DEXI: variants seen among roughly 807,000 people sequenced by gnomAD.
DEXI encodes dexamethasone-induced protein.
In DEXI, 2 loss-of-function variants were observed where a neutral mutation model predicts 2.5. That is an observed-to-expected ratio of 0.81 (90% confidence interval 0.33 to 2.55). DEXI has a LOEUF of 2.55. Ranked by LOEUF, DEXI falls within the 30% of genes most tolerant of loss-of-function variation. DEXI has a pLI of 0.11. For synonymous variants in DEXI, 71 were observed against 68.7 expected, an observed-to-expected ratio of 1.03 and a Z score of -0.17; for missense variants, 108 against 130.3, an observed-to-expected ratio of 0.83 and a Z score of 0.83.
Position 10,941,705 on chromosome 16 carries a change from A to G in DEXI, c.*13T>C. 1 of 1,596,198 alleles carries G rather than the reference A, an allele frequency of 6.3e-7. No homozygotes were observed. Among genetic ancestry groups the G allele is most frequent in the Non-Finnish European group, 8.5e-7 (1 of 1,170,300 alleles). ...CGGATCGTGTAGGGAAGAGGGGAAC[A>G]GCAGTCGAGACCCTACTCCAAGTAC... is the stretch of plus-strand genomic sequence containing the variant. On this transcript the variant is annotated 3_prime_UTR_variant, in exon 1 of 2. Transcript: ENST00000331808. This position sits in a 1 kb window ranked among gnomAD's most constrained non-coding sequence, Gnocchi z 6.4.
rs1596654158 is a variant in DEXI at position 10,934,592 on chromosome 16, G to C, written c.*150-5033C>G. On this transcript the variant is annotated intron_variant, in intron 1 of 1. Coordinates refer to ENST00000331808, the MANE Select transcript of DEXI (RefSeq NM_014015.4). The surrounding 1 kb of genome is among the most constrained non-coding windows in gnomAD (Gnocchi z 4.2). The stretch of plus-strand genomic sequence containing the variant: ...CCCAATGCTGCCACCTCATAGATGG[G>C]TATCTGAGATGAGTCATCGAACTTC... The C allele has an allele frequency of 1.3e-5, 2 of 152,236 alleles. No homozygotes were observed. The highest frequency in any genetic ancestry group is 1.3e-4 in the Admixed American group (2 of 15,286). 9.4% of individuals were successfully genotyped at this position (152,236 alleles called of 1,614,324 possible). A position where few individuals can be genotyped will look rare whatever the true frequency, so the allele number is the denominator to read the frequency against.
intron 1 of DEXI, chr16:10,936,416 C>T (rs2041023183): frequency 6.6e-6 from 1 of 152,124 alleles, no homozygotes; most frequent in South Asian, 2.1e-4. Context: ...AACCCATTTT[C>T]AAATGCTTAT....
At chr16:10,931,317 G>C (rs539176026) in intron 1 of DEXI, 2 of 152,868 alleles carry the variant, frequency 1.3e-5, no homozygotes, top group African/African-American at 2.4e-5. Context: ...AAAAAAAAGA[G>C]AAGATGGAAT....
intron 1 of DEXI, chr16:10,935,706 G>C (rs2040997270): frequency 6.6e-6 from 1 of 152,232 alleles, no homozygotes; most frequent in African/African-American, 2.4e-5. Context: ...CTCTCGATAA[G>C]ATGCACTGAA....
Position 10,941,890 on chromosome 16 carries a change from A to G in DEXI, c.116T>C (p.Leu39Pro). 6.2e-7 allele frequency: 1 copy of G among 1,610,818 alleles called. No individual in the cohort carries two copies. Among genetic ancestry groups the G allele is most frequent in the Non-Finnish European group, 8.5e-7 (1 of 1,179,298 alleles). The change falls in exon 1 of 2, where the codon CTG becomes CCG. Residue 39 changes from leucine to proline, a missense_variant. Transcript: ENST00000331808. The surrounding 1 kb of genome is among the most constrained non-coding windows in gnomAD (Gnocchi z 6.4). ...FYVGLFFVNV[L>P]ILYYAFLMEY... ...CATGAGGAAGGCGTAGTACAGGATCAGCACATTGACGAAGAACAGGCCCAC... is the reference window on the plus strand; with the variant it reads ...CATGAGGAAGGCGTAGTACAGGATCGGCACATTGACGAAGAACAGGCCCAC...
In DEXI at chr16:10,929,564, CA is replaced by C. The variant is rs922176773; in HGVS notation, c.*150-6del. On this transcript the variant is annotated splice_region_variant and splice_polypyrimidine_tract_variant and intron_variant, in intron 1 of 1. Coordinates refer to ENST00000331808, the MANE Select transcript of DEXI (RefSeq NM_014015.4). The surrounding 1 kb of genome is among the most constrained non-coding windows in gnomAD (Gnocchi z 4.3). The stretch of plus-strand genomic sequence containing the variant: ...AAGCTTTTGAGGGGAGCAGGTCTAA[CA>C]AGAAGGAAAAAGGGGGGTTATTAGC... 2 of 985,162 alleles carry C rather than the reference CA, an allele frequency of 2.0e-6. No homozygotes were observed. The highest frequency in any genetic ancestry group is 6.2e-5 in the Admixed American group (1 of 16,232). The allele number at this position is 985,162 out of a possible 1,614,324, so 61.0% of individuals were successfully genotyped here.
At position 10,941,700 on chromosome 16, in the gene DEXI, G is replaced by C. The variant is rs534448508; in HGVS notation, c.*18C>G. ...GGTTGCGGATCGTGTAGGGAAGAGGGGAACAGCAGTCGAGACCCTACTCCA... is the reference window on the plus strand; with the variant it reads ...GGTTGCGGATCGTGTAGGGAAGAGGCGAACAGCAGTCGAGACCCTACTCCA... On this transcript the variant is annotated 3_prime_UTR_variant, in exon 1 of 2. Transcript: ENST00000331808. The surrounding 1 kb of genome is among the most constrained non-coding windows in gnomAD (Gnocchi z 6.4). 9.4e-6 allele frequency: 15 copies of C among 1,592,884 alleles called. No individual in the cohort carries two copies. In the East Asian group the frequency reaches 3.2e-4, roughly 34 times the overall value.
In DEXI at chr16:10,934,188, G is replaced by A. The variant is rs2040922299; in HGVS notation, c.*150-4629C>T. 1 of 152,202 alleles carries A rather than the reference G, an allele frequency of 6.6e-6. No individual in the cohort carries two copies. The highest frequency in any genetic ancestry group is 1.5e-5 in the Non-Finnish European group (1 of 68,038). The allele number at this position is 152,202 out of a possible 1,614,324, so 9.4% of individuals were successfully genotyped here. On this transcript the variant is annotated intron_variant, in intron 1 of 1. Transcript: ENST00000331808. This position sits in a 1 kb window ranked among gnomAD's most constrained non-coding sequence, Gnocchi z 4.2. ...TCTGGAAGGGCAGCACTTGCCCAGT[G>A]CCTCCCTCCAGGTCCTGCCACATCC... is the stretch of plus-strand genomic sequence containing the variant.
Position 10,942,013 on chromosome 16 carries a change from G to C in DEXI, c.-8C>G. ...GACCCGGGCGCCGAGCATGCAGCGG[G>C]TGGCAAGGGCGGCGGCCCGGCGATC... On this transcript the variant is annotated 5_prime_UTR_variant, in exon 1 of 2. Transcript: ENST00000331808. The surrounding 1 kb of genome is among the most constrained non-coding windows in gnomAD (Gnocchi z 5.0). 1 of 1,438,838 alleles carries C rather than the reference G, an allele frequency of 7.0e-7. No homozygotes were observed. The highest frequency in any genetic ancestry group is 9.1e-7 in the Non-Finnish European group (1 of 1,095,174). The allele number at this position is 1,438,838 out of a possible 1,614,324, so 89.1% of individuals were successfully genotyped here.
rs963340548 is a variant in DEXI, at chr16:10,942,100, G to T, written c.-95C>A. 6 of 1,046,962 alleles carry T rather than the reference G, an allele frequency of 5.7e-6. No individual in the cohort carries two copies. The highest frequency in any genetic ancestry group is 3.4e-4 in the Middle Eastern group (1 of 2,948). The allele number at this position is 1,046,962 out of a possible 1,614,324, so 64.9% of individuals were successfully genotyped here. ...GCGAGGGCACAGCGCAGCCATCCAGGGGTACCCTGGAGCCCGACAGAAGCA... is the reference window on the plus strand; with the variant it reads ...GCGAGGGCACAGCGCAGCCATCCAGTGGTACCCTGGAGCCCGACAGAAGCA... On this transcript the variant is annotated 5_prime_UTR_variant, in exon 1 of 2. Coordinates refer to ENST00000331808, the MANE Select transcript of DEXI (RefSeq NM_014015.4). This position sits in a 1 kb window ranked among gnomAD's most constrained non-coding sequence, Gnocchi z 5.0.
intron 1 of DEXI, chr16:10,936,844 A>G (rs144668570): frequency 1.3e-5 from 2 of 152,326 alleles, no homozygotes; most frequent in African/African-American, 2.4e-5. Context: ...AGGGATAAAG[A>G]GGTCTGCCAC....
rs1235576597 is a variant in DEXI, at chr16:10,936,334, T to G, written c.*149+5235A>C. 3 of 152,318 alleles carry G rather than the reference T, an allele frequency of 2.0e-5. No homozygotes were observed. The South Asian group carries it at 6.2e-4, about 32-fold the overall frequency. The allele number at this position is 152,318 out of a possible 1,614,324, so 9.4% of individuals were successfully genotyped here. A position where few individuals can be genotyped will look rare whatever the true frequency, so the allele number is the denominator to read the frequency against. On this transcript the variant is annotated intron_variant, in intron 1 of 1. Coordinates refer to ENST00000331808, the MANE Select transcript of DEXI (RefSeq NM_014015.4). ...GATTTGCTGATTTTGACAACCCTAC[T>G]GTGGTTATGCAAATTTGTCCTTGTT...
rs1410501078 is a variant in DEXI at position 10,938,003 on chromosome 16, A to G, written c.*149+3566T>C. ...GTCCTCTTCTGCTCACAGGATATAA[A>G]TATTCATGCATGAGTATAGGTGCAG... On this transcript the variant is annotated intron_variant, in intron 1 of 1. Coordinates refer to ENST00000331808, the MANE Select transcript of DEXI (RefSeq NM_014015.4). The surrounding 1 kb of genome is among the most constrained non-coding windows in gnomAD (Gnocchi z 4.9). 1 of 152,240 alleles carries G rather than the reference A, an allele frequency of 6.6e-6. No individual in the cohort carries two copies. The highest frequency in any genetic ancestry group is 2.4e-5 in the African/African-American group (1 of 41,450). 9.4% of individuals were successfully genotyped at this position (152,240 alleles called of 1,614,324 possible).
At position 10,941,434 on chromosome 16, in the gene DEXI, TG is replaced by T; in HGVS notation, c.*149+134del. ...GGCTTAAGAGGAGTCTGGCCATTCC[TG>T]GCATCCAGTTAGACCTGGAGGAGGT... On this transcript the variant is annotated intron_variant, in intron 1 of 1. Transcript: ENST00000331808. The surrounding 1 kb of genome is among the most constrained non-coding windows in gnomAD (Gnocchi z 6.4). 1.1e-6 allele frequency: 1 copy of T among 870,700 alleles called. No homozygotes were observed. Among genetic ancestry groups the T allele is most frequent in the Non-Finnish European group, 1.5e-6 (1 of 656,378 alleles). The allele number at this position is 870,700 out of a possible 1,614,324, so 53.9% of individuals were successfully genotyped here. A position where few individuals can be genotyped will look rare whatever the true frequency, so the allele number is the denominator to read the frequency against.
In DEXI at chr16:10,937,797, T is replaced by C. The variant is rs949110456; in HGVS notation, c.*149+3772A>G. 1 of 152,244 alleles carries C rather than the reference T, an allele frequency of 6.6e-6. No homozygotes were observed. Among genetic ancestry groups the C allele is most frequent in the Non-Finnish European group, 1.5e-5 (1 of 68,062 alleles). The allele number at this position is 152,244 out of a possible 1,614,324, so 9.4% of individuals were successfully genotyped here. A position where few individuals can be genotyped will look rare whatever the true frequency, so the allele number is the denominator to read the frequency against. On this transcript the variant is annotated intron_variant, in intron 1 of 1. Transcript: ENST00000331808. This position sits in a 1 kb window ranked among gnomAD's most constrained non-coding sequence, Gnocchi z 4.2. ...AGGGAGCTCCCGATTCCCCATTCCC[T>C]GCTCCTGGGCAACAATTAACACTCT...
rs2040666728 is a variant in DEXI, at chr16:10,929,202, G to A, written c.*507C>T. 11 of 985,682 alleles carry A rather than the reference G, an allele frequency of 1.1e-5. No homozygotes were observed. Among genetic ancestry groups the A allele is most frequent in the Non-Finnish European group, 1.3e-5 (11 of 829,904 alleles). 61.1% of individuals were successfully genotyped at this position (985,682 alleles called of 1,614,324 possible). On this transcript the variant is annotated 3_prime_UTR_variant, in exon 2 of 2. Coordinates refer to ENST00000331808, the MANE Select transcript of DEXI (RefSeq NM_014015.4). This position sits in a 1 kb window ranked among gnomAD's most constrained non-coding sequence, Gnocchi z 4.3. Reference sequence around the variant, plus strand: ...GCCTCGGGCTAAACCCAGCTGGCCTGAAGGCTCAACTCACATCAAACGGAG... The same window carrying A: ...GCCTCGGGCTAAACCCAGCTGGCCTAAAGGCTCAACTCACATCAAACGGAG...
At position 10,938,261 on chromosome 16, in the gene DEXI, G is replaced by A. The variant is rs1006130030; in HGVS notation, c.*149+3308C>T. ...ATGCCCAAGGTCACAGCTACCCTGG[G>A]ATGTGAACCCAGGGCCCTGGCTCTT... On this transcript the variant is annotated intron_variant, in intron 1 of 1. Coordinates refer to ENST00000331808, the MANE Select transcript of DEXI (RefSeq NM_014015.4). The surrounding 1 kb of genome is among the most constrained non-coding windows in gnomAD (Gnocchi z 4.9). The A allele has an allele frequency of 1.1e-4, 16 of 152,062 alleles. No individual in the cohort carries two copies. The highest frequency in any genetic ancestry group is 1.0e-3 in the Admixed American group (16 of 15,262). The allele number at this position is 152,062 out of a possible 1,614,324, so 9.4% of individuals were successfully genotyped here.
rs1044639309 is a variant in DEXI at position 10,941,978 on chromosome 16, G to A, written c.28C>T (p.Leu10=). The change falls in exon 1 of 2, where the codon CTG becomes TTG. Residue 10 remains leucine, a synonymous_variant. Coordinates refer to ENST00000331808, the MANE Select transcript of DEXI (RefSeq NM_014015.4). The surrounding 1 kb of genome is among the most constrained non-coding windows in gnomAD (Gnocchi z 6.4). Reference sequence around the variant, plus strand: ...GGGACCAGGGGGCCCAGTGCGTCCAGGTGGGCCGCGACCCGGGCGCCGAGC... The same window carrying A: ...GGGACCAGGGGGCCCAGTGCGTCCAAGTGGGCCGCGACCCGGGCGCCGAGC... The part of the protein sequence containing the change: MLGARVAAH[L]DALGPLVPYV... The A allele has an allele frequency of 6.6e-7, 1 of 1,507,314 alleles. No individual in the cohort carries two copies. Among genetic ancestry groups the A allele is most frequent in the African/African-American group, 1.4e-5 (1 of 69,970 alleles). 93.4% of individuals were successfully genotyped at this position (1,507,314 alleles called of 1,614,324 possible).
rs756338689 is a variant in DEXI, at chr16:10,941,853, G to A, written c.153C>T (p.Val51=). Residue 51 remains valine (V), a synonymous_variant, in exon 1 of 2, where the codon GTC becomes GTT. Coordinates refer to ENST00000331808, the MANE Select transcript of DEXI (RefSeq NM_014015.4). The surrounding 1 kb of genome is among the most constrained non-coding windows in gnomAD (Gnocchi z 6.4). ...LYYAFLMEYI[V]LNVGLVFLPE... ...GCAGGAAGACGAGGCCCACGTTGAG[G>A]ACGATGTACTCCATGAGGAAGGCGT... The A allele has an allele frequency of 2.1e-5, 34 of 1,612,784 alleles. No individual in the cohort carries two copies. Among genetic ancestry groups the A allele is most frequent in the South Asian group, 1.2e-4 (11 of 91,032 alleles).
Sources: gnomAD v4.1 joint callset for allele counts on GRCh38, gnomAD v4.1.1 for gene constraint, Gnocchi (gnomAD v3.1) non-coding constraint, MANE v1.5 for transcripts, NCBI Gene and HGNC (gene_info 2026-07-23, HGNC 2026-07-21) for gene names.